The following KAZN variants were observed in gnomAD, a reference collection of about 807,000 sequenced individuals.
The protein encoded by KAZN is kazrin, periplakin interacting protein.
In KAZN, 40 loss-of-function variants were observed where a neutral mutation model predicts 87.4. The observed-to-expected ratio is 0.46, with a 90% confidence interval of 0.36 to 0.60. KAZN has a LOEUF of 0.60. KAZN is among the 20% of genes least tolerant of loss of function. KAZN has a pLI of 0.00. For synonymous variants in KAZN, 466 were observed against 458.3 expected (o/e 1.02, Z -0.22); for missense variants, 898 against 1,073.9 (o/e 0.84, Z 2.29).
chr1:14,712,447 C>T (rs1230327328), intron 1 of KAZN, among the ~76,000 whole-genome samples: 2 of 152,114 alleles, frequency 1.3e-5, no homozygotes, highest in Non-Finnish European at 2.9e-5. Flanking sequence ...CCAACAATGC[C>T]GAAATTACAC....
intron 1 of KAZN, among the ~76,000 whole-genome samples, chr1:14,655,403 GCTT>G (rs571114406): frequency 5.9e-4 from 90 of 152,300 alleles, no homozygotes; most frequent in African/African-American, 2.0e-3. Context: ...ATCCCTACCA[GCTT>G]CTTCTTTTCA....
chr1:14,104,081 C>T (rs974247066), intron 1 of KAZN, among the ~76,000 whole-genome samples: 16 of 152,214 alleles, frequency 1.1e-4, no homozygotes, highest in African/African-American at 3.6e-4. Context: ...TGGCACCATG[C>T]CAAAGGAAGG....
chr1:14,655,382 G>A lies in KAZN; in HGVS notation c.226+56159G>A, dbSNP rs145836015. Among the ~76,000 whole-genome samples, 288 of 152,308 alleles carry A rather than the reference G, an allele frequency of 1.9e-3. 1 individual carries two copies. Among genetic ancestry groups the A allele is most frequent in the Middle Eastern group, 3.4e-3 (1 of 292 alleles). On this transcript the variant is annotated intron_variant, in intron 1 of 14. Coordinates refer to ENST00000376030, the MANE Select transcript of KAZN (RefSeq NM_201628.3). ...TGCTCTGCAAGTATGAGGCTGGTCC[G>A]ATAAATTTATATCCCTACCAGCTTC...
intron 1 of KAZN, among the ~76,000 whole-genome samples, chr1:14,615,737 C>T (rs543712089): frequency 1.5e-3 from 221 of 152,250 alleles, no homozygotes; most frequent in Non-Finnish European, 2.2e-3. Context: ...CCACCAGCCT[C>T]CGCAACTTGC....
At chr1:14,802,869 C>T (rs995499660) in intron 1 of KAZN, among the ~76,000 whole-genome samples, 7 of 152,256 alleles carry the variant, frequency 4.6e-5, no homozygotes, top group African/African-American at 9.6e-5. Flanking sequence ...CTCAGTGGAA[C>T]GAGAAGGGAA....
At chr1:14,375,024 T>G (rs1660786574) in intron 2 of KAZN, among the ~76,000 whole-genome samples, 1 of 152,182 alleles carries the variant, frequency 6.6e-6, no homozygotes, top group African/African-American at 2.4e-5. Flanking sequence ...CAACACAGAC[T>G]TTCAGCTTGG....
At chr1:14,698,299 A>G (rs1277032950) in intron 1 of KAZN, among the ~76,000 whole-genome samples, 2 of 152,070 alleles carry the variant, frequency 1.3e-5, no homozygotes, top group Non-Finnish European at 2.9e-5. Flanking sequence ...GGGGAGGGGA[A>G]TAAAGTGCCC....
At chr1:14,057,467 C>T (rs759100310) in intron 1 of KAZN, among the ~76,000 whole-genome samples, 6 of 152,166 alleles carry the variant, frequency 3.9e-5, no homozygotes, top group Non-Finnish European at 7.3e-5. Flanking sequence ...TGGACTAGAA[C>T]TCCTTTCATT....
chr1:15,115,015 T>A lies in KAZN; in HGVS notation c.*380T>A, dbSNP rs533094140. On this transcript the variant is annotated 3_prime_UTR_variant, in exon 15 of 15. Coordinates refer to ENST00000376030, the MANE Select transcript of KAZN (RefSeq NM_201628.3). This position sits in a 1 kb window ranked among gnomAD's most constrained non-coding sequence, Gnocchi z 4.1. ...AGGTGGGAGGAGGCCCACAGTTCCC[T>A]AAAACACCCTTCCGGCGGGAGCAGG... The A allele has an allele frequency of 2.0e-4, 33 of 163,372 alleles. No individual in the cohort carries two copies. In the East Asian group the frequency reaches 5.5e-3, roughly 27 times the overall value. The allele number at this position is 163,372 out of a possible 1,614,324, so 10.1% of individuals were successfully genotyped here.
chr1:14,460,786 C>T (rs964000539), intron 2 of KAZN, among the ~76,000 whole-genome samples: 1 of 152,190 alleles, frequency 6.6e-6, no homozygotes, highest in African/African-American at 2.4e-5. Flanking sequence ...CACTTTCCCA[C>T]GGCATTTTAC....
intron 1 of KAZN, among the ~76,000 whole-genome samples, chr1:14,621,484 G>C (rs957561423): frequency 5.3e-5 from 8 of 152,180 alleles, no homozygotes; most frequent in African/African-American, 1.9e-4. Context: ...TCTCCTCAGA[G>C]CCCCCAGGCT....
At chr1:14,328,572 G>C (rs1656607401) in intron 2 of KAZN, among the ~76,000 whole-genome samples, 1 of 151,876 alleles carries the variant, frequency 6.6e-6, no homozygotes, top group South Asian at 2.1e-4. Flanking sequence ...GCGTGGTGGT[G>C]AGCGCCCGTA....
intron 1 of KAZN, among the ~76,000 whole-genome samples, chr1:13,905,972 G>C (rs536778484): frequency 6.6e-6 from 1 of 152,224 alleles, no homozygotes; most frequent in African/African-American, 2.4e-5. Context: ...CTCTCTCCAT[G>C]GTTACCCAGC....
intron 1 of KAZN, among the ~76,000 whole-genome samples, chr1:14,928,684 G>A (rs530952705): frequency 1.3e-4 from 20 of 152,192 alleles, no homozygotes; most frequent in Non-Finnish European, 2.6e-4. Flanking sequence ...CCACTGCTTG[G>A]AATTAAGAAT....
chr1:14,828,442 G>C (rs376788194), intron 1 of KAZN, among the ~76,000 whole-genome samples: 1 of 151,966 alleles, frequency 6.6e-6, no homozygotes, highest in Non-Finnish European at 1.5e-5. Flanking sequence ...TGAAATAATC[G>C]CTACAATCAC....
At chr1:14,204,955 T>A (rs1220426422) in intron 2 of KAZN, among the ~76,000 whole-genome samples, 1 of 152,254 alleles carries the variant, frequency 6.6e-6, no homozygotes, top group Non-Finnish European at 1.5e-5. Context: ...AAAATCTGAT[T>A]TCTTGCCAAT....
At chr1:14,059,155 C>T (rs1642691442) in intron 1 of KAZN, among the ~76,000 whole-genome samples, 2 of 152,134 alleles carry the variant, frequency 1.3e-5, no homozygotes, top group South Asian at 2.1e-4. Flanking sequence ...AGGATATATG[C>T]ATATATGAAA....
At chr1:14,249,552 G>A (rs143249189) in intron 2 of KAZN, among the ~76,000 whole-genome samples, 18 of 152,160 alleles carry the variant, frequency 1.2e-4, no homozygotes, top group Admixed American at 6.5e-4. Flanking sequence ...GCTTTGCTCC[G>A]TGCTGTCTTC....
chr1:14,438,443 C>T lies in KAZN; in HGVS notation c.250-160540C>T, dbSNP rs572230198. 1.6e-4 allele frequency among the ~76,000 whole-genome samples: 24 copies of T among 152,280 alleles called. No individual in the cohort carries two copies. The South Asian group carries it at 2.9e-3, about 18-fold the overall frequency. The stretch of plus-strand genomic sequence containing the variant: ...GAGGGCAGAATAAGGGGACAGGGAA[C>T]GGGGCCGGCCAGGAAAGATTCATGT... On this transcript the variant is annotated intron_variant, in intron 2 of 16. Coordinates refer to the KAZN transcript ENST00000636203.
Sources: gnomAD v4.1 joint callset for allele counts (sites outside exome capture counted in the v4.1 genomes callset) on GRCh38, gnomAD v4.1.1 for gene constraint, Gnocchi (gnomAD v3.1) non-coding constraint, MANE v1.5 for transcripts, NCBI Gene and HGNC (gene_info 2026-07-23, HGNC 2026-07-21) for gene names.